Variants in MAML2 observed in about 807,000 individuals in gnomAD.
MAML2 encodes mastermind-like protein 2.
MAML2 carries 22 observed loss-of-function variants against 96.1 expected under a neutral mutation model. The observed-to-expected ratio is 0.23, with a 90% confidence interval of 0.16 to 0.33. MAML2 has a LOEUF of 0.33. Ranked by LOEUF, MAML2 falls within the 10% of genes least tolerant of loss-of-function variation. The probability of loss-of-function intolerance (pLI) is 1.00; values close to 1 mark genes in which losing one functional copy is unlikely to be tolerated. For missense variants in MAML2, 1,367 were observed against 1,392.4 expected (o/e 0.98, Z 0.29); for synonymous variants, 561 against 521.3 (o/e 1.08, Z -1.04).
intron 1 of MAML2, among the ~76,000 whole-genome samples, chr11:96,268,068 A>G (rs1387573712): frequency 1.3e-5 from 2 of 152,250 alleles, no homozygotes; most frequent in Admixed American, 6.5e-5. Flanking sequence ...GAAGGATGCC[A>G]TCTCTGCTCT....
chr11:96,201,183 T>C (rs1861816406), intron 1 of MAML2, among the ~76,000 whole-genome samples: 1 of 152,192 alleles, frequency 6.6e-6, no homozygotes, highest in South Asian at 2.1e-4. Flanking sequence ...ACCTACTTGA[T>C]GGATAGATCT....
At chr11:96,316,136 G>T (rs539246412) in intron 1 of MAML2, among the ~76,000 whole-genome samples, 1 of 152,150 alleles carries the variant, frequency 6.6e-6, no homozygotes, top group African/African-American at 2.4e-5. Flanking sequence ...TAGAGGGATG[G>T]ATTTGTTAGG....
At chr11:96,029,747 G>A (rs573176396) in intron 2 of MAML2, among the ~76,000 whole-genome samples, 1 of 152,194 alleles carries the variant, frequency 6.6e-6, no homozygotes, top group East Asian at 1.9e-4. Flanking sequence ...ATGTTCAGTG[G>A]CGCTTTAAAA....
chr11:96,100,752 T>C (rs905682104), intron 1 of MAML2, among the ~76,000 whole-genome samples: 2 of 150,718 alleles, frequency 1.3e-5, no homozygotes, highest in Non-Finnish European at 2.9e-5. Flanking sequence ...TTTTTTCTTT[T>C]TTTTTTTTTC....
At chr11:96,156,634 T>C (rs1861015565) in intron 1 of MAML2, among the ~76,000 whole-genome samples, 1 of 152,218 alleles carries the variant, frequency 6.6e-6, no homozygotes, top group South Asian at 2.1e-4. Flanking sequence ...ACAAGGATAC[T>C]TTTCAGATCA....
chr11:95,981,502 G>A (rs772596863), intron 4 of MAML2, among the ~76,000 whole-genome samples: 8 of 152,164 alleles, frequency 5.3e-5, no homozygotes, highest in African/African-American at 1.2e-4. Context: ...AATTGTAAAC[G>A]TGGGCTATCC....
At chr11:96,188,559 TGAG>T (rs1390888701) in intron 1 of MAML2, among the ~76,000 whole-genome samples, 1 of 152,074 alleles carries the variant, frequency 6.6e-6, no homozygotes, top group Non-Finnish European at 1.5e-5. Flanking sequence ...CAGGCAGGAA[TGAG>T]GAGATCTTAC....
intron 1 of MAML2, among the ~76,000 whole-genome samples, chr11:96,290,219 A>T (rs893295016): frequency 6.6e-6 from 1 of 152,202 alleles, no homozygotes; most frequent in East Asian, 1.9e-4. Flanking sequence ...ACTCCCAGGT[A>T]ATAAGCTGAA....
chr11:96,029,164 GT>G (rs35004085), intron 2 of MAML2, among the ~76,000 whole-genome samples: 86,805 of 141,546 alleles, frequency 0.61, 26,042 homozygotes, highest in Non-Finnish European at 0.63. Context: ...GAGTGAAACG[GT>G]TTTTTTTTTT....
chr11:96,171,020 C>CTT (rs879407774), intron 1 of MAML2, among the ~76,000 whole-genome samples: 4 of 146,662 alleles, frequency 2.7e-5, no homozygotes, highest in Non-Finnish European at 4.5e-5. Flanking sequence ...CTGGCCTCTA[C>CTT]TTTTTTTTTT....
chr11:96,004,815 T>C (rs1858151281), intron 2 of MAML2, among the ~76,000 whole-genome samples: 1 of 152,208 alleles, frequency 6.6e-6, no homozygotes, highest in Admixed American at 6.5e-5. Context: ...ACACAGTCTC[T>C]GGCCCCTATG....
Position 96,301,897 on chromosome 11 carries a change from G to T in MAML2, c.513+39486C>A, listed in dbSNP as rs192973923. On this transcript the variant is annotated intron_variant, in intron 1 of 4. Transcript: ENST00000524717. ...AATTAGTATTACCTGCCAATATGTAGAACTTACCAGTTGCATTTTGGCTAC... is the reference window on the plus strand; with the variant it reads ...AATTAGTATTACCTGCCAATATGTATAACTTACCAGTTGCATTTTGGCTAC... 2.0e-5 allele frequency among the ~76,000 whole-genome samples: 3 copies of T among 152,268 alleles called. No individual in the cohort carries two copies. The East Asian group carries it at 5.8e-4, about 29-fold the overall frequency.
intron 1 of MAML2, among the ~76,000 whole-genome samples, chr11:96,266,593 C>G (rs1862831572): frequency 6.6e-6 from 1 of 151,468 alleles, no homozygotes; most frequent in African/African-American, 2.4e-5. Context: ...AGAAAAACAA[C>G]ATATTGGTGC....
At chr11:96,145,628 G>C (rs1860803123) in intron 1 of MAML2, among the ~76,000 whole-genome samples, 1 of 152,184 alleles carries the variant, frequency 6.6e-6, no homozygotes, top group Non-Finnish European at 1.5e-5. Context: ...CCTGTTACTT[G>C]TTGTGTTAAA....
intron 1 of MAML2, among the ~76,000 whole-genome samples, chr11:96,145,189 G>A (rs1860797270): frequency 6.6e-6 from 1 of 152,106 alleles, no homozygotes; most frequent in South Asian, 2.1e-4. Context: ...TTTATTTAGG[G>A]CTAAGACCAG....
chr11:96,194,823 C>T (rs1365458084), intron 1 of MAML2, among the ~76,000 whole-genome samples: 3 of 152,200 alleles, frequency 2.0e-5, no homozygotes, highest in Non-Finnish European at 2.9e-5. Flanking sequence ...AGGTTCAATT[C>T]ATGATCCCTC....
Position 96,094,244 on chromosome 11 carries a change from T to G in MAML2, c.514-727A>C, listed in dbSNP as rs1379014202. ...ATTTCTTCTGTTTCCTGTAACTAAATCTCGTTACCAAAACGAAAGTGTTAA... is the reference window on the plus strand; with the variant it reads ...ATTTCTTCTGTTTCCTGTAACTAAAGCTCGTTACCAAAACGAAAGTGTTAA... On this transcript the variant is annotated intron_variant, in intron 1 of 4. Coordinates refer to ENST00000524717, the MANE Select transcript of MAML2 (RefSeq NM_032427.4). Among the ~76,000 whole-genome samples, 3 of 152,202 alleles carry G rather than the reference T, an allele frequency of 2.0e-5. No individual in the cohort carries two copies. The East Asian group carries it at 5.8e-4, about 29-fold the overall frequency.
intron 1 of MAML2, among the ~76,000 whole-genome samples, chr11:96,189,106 T>C (rs1292421739): frequency 6.6e-6 from 1 of 151,492 alleles, no homozygotes; most frequent in African/African-American, 2.4e-5. Context: ...CTCATGGAAA[T>C]GACCACCTCT....
At position 96,039,474 on chromosome 11, in the gene MAML2, T is replaced by C. The variant is rs374539564; in HGVS notation, c.2140-47751A>G. 2.2e-4 allele frequency among the ~76,000 whole-genome samples: 33 copies of C among 151,640 alleles called. 2 individuals are homozygous for C. The South Asian group carries it at 6.7e-3, about 31-fold the overall frequency. Reference sequence around the variant, plus strand: ...TCCATAAAAGTAACATAGGAGGAGCTAGAGGAATTTGGGTTGAGGCTGCTA... The same window carrying C: ...TCCATAAAAGTAACATAGGAGGAGCCAGAGGAATTTGGGTTGAGGCTGCTA... On this transcript the variant is annotated intron_variant, in intron 2 of 4. Transcript: ENST00000524717.
Sources: allele counts gnomAD v4.1 joint callset (sites outside exome capture counted in the v4.1 genomes callset), GRCh38; gene constraint gnomAD v4.1.1; transcripts MANE v1.5; gene names NCBI Gene and HGNC (gene_info 2026-07-23, HGNC 2026-07-21).